Variants in ANO10 observed in about 807,000 individuals in gnomAD.
ANO10 encodes the protein anoctamin 10.
In ANO10, 77 loss-of-function variants were observed where a neutral mutation model predicts 74.7. The observed-to-expected ratio is 1.03, with a 90% confidence interval of 0.86 to 1.25. ANO10 has a LOEUF of 1.25. ANO10 is among the 50% of genes most tolerant of loss of function. ANO10 has a pLI of 0.00. For missense variants in ANO10, 721 were observed against 778.1 expected, an observed-to-expected ratio of 0.93 and a Z score of 0.87; for synonymous variants, 279 against 284.9, an observed-to-expected ratio of 0.98 and a Z score of 0.21.
chr3:43,569,255 G>A (rs2080556491), intron 7 of ANO10, among the ~76,000 whole-genome samples: 1 of 124,186 alleles, frequency 8.1e-6, no homozygotes, highest in African/African-American at 3.3e-5. Context: ...TCTACCAGAG[G>A]TACAAGGAGG....
At chr3:43,496,676 A>T (rs764274357) in intron 11 of ANO10, among the ~76,000 whole-genome samples, 1 of 151,976 alleles carries the variant, frequency 6.6e-6, no homozygotes, top group Non-Finnish European at 1.5e-5. Flanking sequence ...CAAGCTGGTT[A>T]TTCTATTCTT....
intron 1 of ANO10, among the ~76,000 whole-genome samples, chr3:43,610,291 T>C (rs964356819): frequency 6.6e-6 from 1 of 152,176 alleles, no homozygotes; most frequent in South Asian, 2.1e-4. Context: ...TCATCTCCTA[T>C]AACAATGCCT....
At chr3:43,380,827 A>G (rs1559492570) in intron 12 of ANO10, among the ~76,000 whole-genome samples, 1 of 152,224 alleles carries the variant, frequency 6.6e-6, no homozygotes, top group Non-Finnish European at 1.5e-5. Context: ...GTTGAATAGA[A>G]TAGTACCTCA....
At chr3:43,481,152 C>G (rs1362951681) in intron 11 of ANO10, among the ~76,000 whole-genome samples, 1 of 151,680 alleles carries the variant, frequency 6.6e-6, no homozygotes, top group African/African-American at 2.4e-5. Flanking sequence ...AGGTAAACAG[C>G]AGAAAAAGGG....
intron 11 of ANO10, among the ~76,000 whole-genome samples, chr3:43,458,862 T>G (rs889211493): frequency 6.6e-6 from 1 of 152,142 alleles, no homozygotes. Context: ...CCTGTGTCCA[T>G]GTGTTCTCAT....
chr3:43,689,893 G>A lies in ANO10; in HGVS notation c.-12+1624C>T, dbSNP rs138001285. 4.9e-3 allele frequency among the ~76,000 whole-genome samples: 745 copies of A among 152,304 alleles called. 8 individuals carry two copies. Among genetic ancestry groups the A allele is most frequent in the African/African-American group, 0.017 (719 of 41,544 alleles). ...TGTTTTCAAGCACCTAGAACAAAGT[G>A]AGCCCATAGTAGACACACACCAAAC... On this transcript the variant is annotated intron_variant, in intron 1 of 3. Coordinates refer to the ANO10 transcript ENST00000413397.
At chr3:43,418,162 A>C (rs999839667) in intron 12 of ANO10, among the ~76,000 whole-genome samples, 1 of 152,254 alleles carries the variant, frequency 6.6e-6, no homozygotes, top group African/African-American at 2.4e-5. Flanking sequence ...CTGTAATCCC[A>C]GCTACTCAGG....
chr3:43,512,524 G>A lies in ANO10; in HGVS notation c.1797+37196C>T, dbSNP rs750865479. 3.3e-5 allele frequency among the ~76,000 whole-genome samples: 5 copies of A among 152,062 alleles called. No individual in the cohort carries two copies. The South Asian group carries it at 8.3e-4, about 25-fold the overall frequency. On this transcript the variant is annotated intron_variant, in intron 11 of 12. Coordinates refer to ENST00000292246, the MANE Select transcript of ANO10 (RefSeq NM_018075.5). ...GCCCAAAGTGTGAGTGGGCCACAACGCTAGCAGTAGAGGTCATGAGGAGTT... is the reference window on the plus strand; with the variant it reads ...GCCCAAAGTGTGAGTGGGCCACAACACTAGCAGTAGAGGTCATGAGGAGTT...
rs773720901 is a variant in ANO10, at chr3:43,576,973, A to C, written c.881T>G (p.Ile294Ser). The change falls in exon 6 of 13, where the codon ATC becomes AGC. Residue 294 changes from isoleucine to serine, a missense_variant. Coordinates refer to ENST00000292246, the MANE Select transcript of ANO10 (RefSeq NM_018075.5). ...CTCCTCCTTCCCAGTGATGGAATTG[A>C]TACCCAAGACACCATGAAATCCTGG... Reference protein sequence around the residue: ...PRPGFHGVLGINSITGKEEPL... With the variant: ...PRPGFHGVLGSNSITGKEEPL... The C allele has an allele frequency of 2.5e-6, 4 of 1,613,920 alleles. No homozygotes were observed. In the Admixed American group the frequency reaches 6.7e-5, roughly 27 times the overall value.
chr3:43,383,269 T>G (rs1423191560), intron 12 of ANO10, among the ~76,000 whole-genome samples: 1 of 151,980 alleles, frequency 6.6e-6, no homozygotes, highest in East Asian at 1.9e-4. Context: ...CTGGCTAACA[T>G]GGTGAAACAC....
intron 11 of ANO10, among the ~76,000 whole-genome samples, chr3:43,529,533 A>G (rs1404085287): frequency 6.6e-6 from 1 of 152,192 alleles, no homozygotes; most frequent in Non-Finnish European, 1.5e-5. Context: ...AAAGGGGAAA[A>G]GGAAAACTTT....
At chr3:43,545,315 G>C (rs528302440) in intron 11 of ANO10, among the ~76,000 whole-genome samples, 7 of 151,956 alleles carry the variant, frequency 4.6e-5, no homozygotes, top group Non-Finnish European at 8.8e-5. Context: ...TCAGATAAAA[G>C]AGAAAAATCT....
rs138505301 is a variant in ANO10 at position 43,440,477 on chromosome 3, C to T, written c.1798-7750G>A. ...GACAAATGAGGATATTATGTAAAAA[C>T]GAAAGGGCCAAATTATATAGAAAGA... On this transcript the variant is annotated intron_variant, in intron 11 of 12. Transcript: ENST00000292246. Among the ~76,000 whole-genome samples the T allele has an allele frequency of 7.5e-4, 114 of 151,918 alleles. No homozygotes were observed. In the Middle Eastern group the frequency reaches 0.01, roughly 14 times the overall value.
At chr3:43,505,137 T>C (rs531032848) in intron 11 of ANO10, among the ~76,000 whole-genome samples, 10 of 152,246 alleles carry the variant, frequency 6.6e-5, no homozygotes, top group Non-Finnish European at 1.5e-4. Flanking sequence ...TATGAGATAG[T>C]GTTAGCATAA....
intron 11 of ANO10, among the ~76,000 whole-genome samples, chr3:43,447,558 A>G (rs1433246309): frequency 2.0e-5 from 3 of 152,212 alleles, no homozygotes; most frequent in African/African-American, 7.2e-5. Context: ...AGGTTGAGGG[A>G]TTGGAGAAAA....
At chr3:43,509,314 G>A (rs143143001) in intron 11 of ANO10, among the ~76,000 whole-genome samples, 3,774 of 147,582 alleles carry the variant, frequency 0.026, 154 homozygotes, top group African/African-American at 0.088. Flanking sequence ...ACATGTACAC[G>A]TATGTAACAA....
intron 1 of ANO10, among the ~76,000 whole-genome samples, chr3:43,650,463 GAAAACACAGGAA>G: frequency 6.6e-6 from 1 of 152,012 alleles, no homozygotes; most frequent in South Asian, 2.1e-4. Flanking sequence ...GTTAGAAAAA[GAAAACACAGGAA>G]ATAAAACTAA....
intron 11 of ANO10, among the ~76,000 whole-genome samples, chr3:43,471,977 A>G (rs115757240): frequency 3.6e-5 from 2 of 55,828 alleles, no homozygotes; most frequent in Admixed American, 1.4e-4. Flanking sequence ...CAAAGGCTGG[A>G]AAAAAAATCA....
Position 43,366,704 on chromosome 3 carries a change from C to T in ANO10, c.*202G>A. ...CTGGGAAGGAGCAGACAGGGTGGGG[C>T]TGGGGGAACTGCCAAGGATCCCGAG... On this transcript the variant is annotated 3_prime_UTR_variant, in exon 13 of 13. Coordinates refer to ENST00000292246, the MANE Select transcript of ANO10 (RefSeq NM_018075.5). The T allele has an allele frequency of 1.6e-6, 1 of 635,674 alleles. No individual in the cohort carries two copies. Among genetic ancestry groups the T allele is most frequent in the Non-Finnish European group, 2.8e-6 (1 of 352,186 alleles). The allele number at this position is 635,674 out of a possible 1,614,324, so 39.4% of individuals were successfully genotyped here.
Sources: allele counts gnomAD v4.1 joint callset (sites outside exome capture counted in the v4.1 genomes callset), GRCh38; gene constraint gnomAD v4.1.1; transcripts MANE v1.5; gene names NCBI Gene and HGNC (gene_info 2026-07-23, HGNC 2026-07-21).